COL27A1: variants seen among roughly 807,000 people sequenced by gnomAD.
The protein encoded by COL27A1 is collagen type XXVII alpha 1 chain.
In COL27A1, 106 loss-of-function variants were observed where a neutral mutation model predicts 251.3. The observed-to-expected ratio is 0.42, with a 90% CI of 0.36 to 0.50. COL27A1 has a LOEUF of 0.50. Among genes scored for constraint, COL27A1 ranks in the 20% least tolerant of loss-of-function variants. The pLI is 0.00. For missense variants in COL27A1, 2,325 were observed against 2,522.8 expected, an observed-to-expected ratio of 0.92 and a Z score of 1.68; for synonymous variants, 1,000 against 986.3, an observed-to-expected ratio of 1.01 and a Z score of -0.26.
chr9:114,266,442 G>A (rs578225812), intron 32 of COL27A1, 123 bp from the exon 33 acceptor site: 7 of 696,038 alleles, frequency 1.0e-5, no homozygotes, highest in African/African-American at 5.4e-5. Context: ...TGGCTGGGGC[G>A]GACTAGGGGT....
At chr9:114,205,572 G>T (rs1829894165) in intron 8 of COL27A1, among the ~76,000 whole-genome samples, 187 bp from the exon 9 acceptor site, 1 of 152,188 alleles carries the variant, frequency 6.6e-6, no homozygotes, top group Non-Finnish European at 1.5e-5. Flanking sequence ...AGGGGGTTTT[G>T]TCCCTCAGAG....
In COL27A1 at chr9:114,168,452, G is replaced by A; in HGVS notation, c.897G>A (p.Lys299=). Residue 299 remains lysine (K), a synonymous_variant, in exon 3 of 61, where the codon AAG becomes AAA. Coordinates refer to ENST00000356083, the MANE Select transcript of COL27A1 (RefSeq NM_032888.4). The stretch of plus-strand genomic sequence containing the variant: ...CTGTGGCACCCGCCACGCCCACCAA[G>A]CCCCAAAGGACTAGCCCCACAAACC... ...RGTVAPATPT[K]PQRTSPTNPH... 6.2e-7 allele frequency: 1 copy of A among 1,613,882 alleles called. No homozygotes were observed. Among genetic ancestry groups the A allele is most frequent in the Non-Finnish European group, 8.5e-7 (1 of 1,179,938 alleles).
intron 12 of COL27A1, among the ~76,000 whole-genome samples, chr9:114,211,361 G>A (rs1830350899): frequency 6.6e-6 from 1 of 152,192 alleles, no homozygotes; most frequent in Non-Finnish European, 1.5e-5. Context: ...GGGGACCTTG[G>A]CTAGACCAGG....
Position 114,168,859 on chromosome 9 carries a change from C to T in COL27A1, c.1304C>T (p.Pro435Leu), listed in dbSNP as rs1849094558. The change falls in exon 3 of 61, where the codon CCC becomes CTC. Residue 435 changes from proline to leucine, a missense_variant. Physicochemically the swap from Pro to Leu is moderately conservative, Grantham distance 98. Transcript: ENST00000356083. ...PIQRNPGMPRPPPPSTRPLPP... is the reference protein window; with the variant it reads ...PIQRNPGMPRLPPPSTRPLPP... ...CAGAGGAACCCGGGAATGCCCAGGC[C>T]CCCACCGCCCAGCACCCGGCCCCTA... The T allele has an allele frequency of 2.5e-6, 4 of 1,614,032 alleles. No homozygotes were observed. Among genetic ancestry groups the T allele is most frequent in the Middle Eastern group, 3.3e-4 (2 of 6,062 alleles).
intron 32 of COL27A1, among the ~76,000 whole-genome samples, chr9:114,265,901 C>T (rs933007044): frequency 1.3e-5 from 2 of 152,136 alleles, no homozygotes; most frequent in African/African-American, 4.8e-5. Context: ...TCCAGTCGCC[C>T]AAGGCCACGG....
intron 24 of COL27A1, among the ~76,000 whole-genome samples, chr9:114,249,180 C>T (rs1359125370): frequency 1.3e-5 from 2 of 152,180 alleles, no homozygotes; most frequent in African/African-American, 4.8e-5. Context: ...GGGCTTGGCA[C>T]ACAGGAAGTG....
intron 36 of COL27A1, among the ~76,000 whole-genome samples, chr9:114,274,882 G>T (rs1233109955): frequency 6.6e-6 from 1 of 151,974 alleles, no homozygotes; most frequent in South Asian, 2.1e-4. Flanking sequence ...TCAGAAAAAT[G>T]GAAAGAGTGG....
chr9:114,205,002 A>T (rs911971976), intron 7 of COL27A1, 100 bp from the exon 8 acceptor site: 9 of 1,100,316 alleles, frequency 8.2e-6, no homozygotes, highest in Non-Finnish European at 1.1e-5. Flanking sequence ...GATGCAGTAC[A>T]TACGGTGCTG....
At chr9:114,268,914 C>A (rs745579095) in intron 34 of COL27A1, 21 of 227,704 alleles carry the variant, frequency 9.2e-5, no homozygotes, top group South Asian at 1.8e-4. Flanking sequence ...CCAGTCTGGG[C>A]GACAGAATGA....
intron 2 of COL27A1, among the ~76,000 whole-genome samples, chr9:114,166,160 T>G (rs1216654634): frequency 2.0e-5 from 3 of 149,158 alleles, no homozygotes; most frequent in Non-Finnish European, 4.5e-5. Flanking sequence ...TCCATCCATC[T>G]ACCTGTTCAC....
intron 1 of COL27A1, among the ~76,000 whole-genome samples, chr9:114,157,377 A>T (rs1230513817): frequency 6.6e-6 from 1 of 152,012 alleles, no homozygotes; most frequent in Non-Finnish European, 1.5e-5. Flanking sequence ...TCTGCTCTCC[A>T]GCATGCCTCT....
chr9:114,227,531 G>T (rs561218016), intron 14 of COL27A1, among the ~76,000 whole-genome samples: 1 of 152,258 alleles, frequency 6.6e-6, no homozygotes, highest in South Asian at 2.1e-4. Context: ...ACCTCCTGGG[G>T]TTACTGTGAG....
chr9:114,245,722 G>A, intron 23 of COL27A1, 144 bp from the exon 24 acceptor site: 1 of 763,928 alleles, frequency 1.3e-6, no homozygotes. Flanking sequence ...CATTTGTTGG[G>A]GGTCTCCAAG....
chr9:114,230,368 C>T (rs1018242108), intron 14 of COL27A1, among the ~76,000 whole-genome samples: 18 of 152,000 alleles, frequency 1.2e-4, no homozygotes, highest in Middle Eastern at 3.2e-3. Context: ...TTGGAAAGGA[C>T]AGGAGGGGCG....
chr9:114,181,449 C>T (rs1827907024), intron 4 of COL27A1, among the ~76,000 whole-genome samples: 1 of 152,098 alleles, frequency 6.6e-6, no homozygotes, highest in Non-Finnish European at 1.5e-5. Flanking sequence ...CAGGCTGCAG[C>T]TGGGAAGCTG....
At chr9:114,261,319 G>GAGC (rs1486072177) in intron 28 of COL27A1, among the ~76,000 whole-genome samples, 1 of 145,076 alleles carries the variant, frequency 6.9e-6, no homozygotes, top group East Asian at 2.1e-4. Context: ...GGATACAAGA[G>GAGC]AGCAGACAGG....
At chr9:114,230,835 A>G (rs1831893252) in intron 14 of COL27A1, among the ~76,000 whole-genome samples, 1 of 152,252 alleles carries the variant, frequency 6.6e-6, no homozygotes, top group South Asian at 2.1e-4. Flanking sequence ...GAATATGGAA[A>G]GGAATGGGGA....
chr9:114,299,656 G>A (rs535479287), intron 49 of COL27A1, among the ~76,000 whole-genome samples: 1 of 152,360 alleles, frequency 6.6e-6, no homozygotes, highest in East Asian at 1.9e-4. Flanking sequence ...TGGCGGTCCA[G>A]GCAAAACATC....
chr9:114,239,658 G>A (rs542436619), intron 19 of COL27A1, among the ~76,000 whole-genome samples: 3 of 152,356 alleles, frequency 2.0e-5, no homozygotes, highest in East Asian at 1.9e-4. Flanking sequence ...CCAGGGGAAT[G>A]GCCCTCACTG....
Sources: gnomAD v4.1 joint callset for allele counts (sites outside exome capture counted in the v4.1 genomes callset) on GRCh38, gnomAD v4.1.1 for gene constraint, MANE v1.5 for transcripts, NCBI Gene and HGNC (gene_info 2026-07-23, HGNC 2026-07-21) for gene names.